Variants in ARHGAP17 observed in about 807,000 individuals in gnomAD.
The protein encoded by ARHGAP17 is rho GTPase-activating protein 17.
ARHGAP17 carries 57 observed loss-of-function variants against 99.5 expected under a neutral mutation model. The observed-to-expected ratio is 0.57, with a 90% CI of 0.46 to 0.71. The LOEUF is 0.71. Ranked by LOEUF, ARHGAP17 falls within the 30% of genes least tolerant of loss-of-function variation. ARHGAP17 has a pLI of 0.00. For missense variants in ARHGAP17, 1,000 were observed against 1,122.4 expected, an observed-to-expected ratio of 0.89 and a Z score of 1.56; for synonymous variants, 417 against 429.6, an observed-to-expected ratio of 0.97 and a Z score of 0.36.
At chr16:24,959,593 G>C in intron 9 of ARHGAP17, 78 bp downstream of exon 9, 1 of 1,381,294 alleles carries the variant, frequency 7.2e-7, no homozygotes, top group Non-Finnish European at 1.0e-6. Context: ...TGCATGCAGA[G>C]GAGTCAGGGT....
chr16:25,009,364 CAAA>C (rs113928999), intron 1 of ARHGAP17, among the ~76,000 whole-genome samples: 43 of 117,840 alleles, frequency 3.6e-4, no homozygotes, highest in African/African-American at 7.3e-4. Flanking sequence ...GAGACTCCGT[CAAA>C]AAAAAAAAAA....
chr16:24,925,247 C>T lies in ARHGAP17; in HGVS notation c.2516-4987G>A, dbSNP rs1487948386. 3.3e-5 allele frequency among the ~76,000 whole-genome samples: 5 copies of T among 152,104 alleles called. No individual in the cohort carries two copies. The East Asian group carries it at 9.7e-4, about 30-fold the overall frequency. On this transcript the variant is annotated intron_variant, in intron 19 of 19. Coordinates refer to ENST00000289968, the MANE Select transcript of ARHGAP17 (RefSeq NM_001006634.3). ...TACAAAAATCAGCCAGGTGTTGCCA[C>T]ACCTGCCTATAATCCCAGCTACTTG...
chr16:25,007,353 T>A (rs2053534219), intron 1 of ARHGAP17, among the ~76,000 whole-genome samples: 3 of 152,198 alleles, frequency 2.0e-5, no homozygotes, highest in South Asian at 4.1e-4. Context: ...AAGTAGTTCA[T>A]TACGAATGCC....
At chr16:24,990,285 G>C (rs2052999273) in intron 1 of ARHGAP17, among the ~76,000 whole-genome samples, 1 of 152,116 alleles carries the variant, frequency 6.6e-6, no homozygotes, top group Non-Finnish European at 1.5e-5. Flanking sequence ...AGGAGTTCAA[G>C]ACCAGCCTGG....
chr16:24,964,321 G>C lies in ARHGAP17; in HGVS notation c.462-13C>G. On this transcript the variant is annotated splice_polypyrimidine_tract_variant and intron_variant, in intron 6 of 19. Coordinates refer to ENST00000289968, the MANE Select transcript of ARHGAP17 (RefSeq NM_001006634.3). ...AGCTTGGTTCCACCTGCAAAACAAA[G>C]GGGTCACCAGCATCTGAGAACCAGC... 1 of 1,570,144 alleles carries C rather than the reference G, an allele frequency of 6.4e-7. No individual in the cohort carries two copies. Among genetic ancestry groups the C allele is most frequent in the African/African-American group, 1.4e-5 (1 of 73,928 alleles).
intron 1 of ARHGAP17, among the ~76,000 whole-genome samples, chr16:25,009,483 G>A (rs1002963200): frequency 1.3e-5 from 2 of 152,132 alleles, no homozygotes; most frequent in African/African-American, 4.8e-5. Context: ...GTAAGGATAA[G>A]GTTTGTGATC....
At chr16:24,943,103 C>A (rs888894966) in intron 15 of ARHGAP17, among the ~76,000 whole-genome samples, 1 of 152,204 alleles carries the variant, frequency 6.6e-6, no homozygotes, top group Non-Finnish European at 1.5e-5. Context: ...CCAACACTTG[C>A]CTGGCCAGCA....
At chr16:25,001,186 G>A (rs1028578047) in intron 1 of ARHGAP17, among the ~76,000 whole-genome samples, 7 of 151,968 alleles carry the variant, frequency 4.6e-5, no homozygotes, top group African/African-American at 1.7e-4. Flanking sequence ...GCACAACACT[G>A]ATAATATTAT....
chr16:25,001,733 T>G (rs940918078), intron 1 of ARHGAP17, among the ~76,000 whole-genome samples: 24 of 152,078 alleles, frequency 1.6e-4, no homozygotes, highest in African/African-American at 5.6e-4. Flanking sequence ...AAAGAGTATT[T>G]GTAAGAGACC....
chr16:24,935,767 C>T (rs1369313730), intron 17 of ARHGAP17, 128 bp from the exon 18 acceptor site: 1 of 994,034 alleles, frequency 1.0e-6, no homozygotes, highest in Middle Eastern at 2.0e-4. Context: ...ATCTGAAATT[C>T]TAACTAGCTC....
At chr16:25,012,009 T>G (rs1026080567) in intron 1 of ARHGAP17, among the ~76,000 whole-genome samples, 2 of 152,112 alleles carry the variant, frequency 1.3e-5, no homozygotes, top group Non-Finnish European at 2.9e-5. Context: ...TGTATATAAT[T>G]ATTTTTTGCC....
intron 1 of ARHGAP17, among the ~76,000 whole-genome samples, chr16:24,996,813 T>C (rs1351596126): frequency 6.6e-6 from 1 of 151,824 alleles, no homozygotes; most frequent in Non-Finnish European, 1.5e-5. Context: ...ATTCCTGGCA[T>C]GGTGGCTCAC....
intron 1 of ARHGAP17, among the ~76,000 whole-genome samples, chr16:24,979,952 C>A (rs2052625109): frequency 6.6e-6 from 1 of 152,218 alleles, no homozygotes; most frequent in Non-Finnish European, 1.5e-5. Flanking sequence ...CTCAAGTAAT[C>A]CGCCCACCTT....
At chr16:24,962,162 A>G (rs59926821) in intron 7 of ARHGAP17, among the ~76,000 whole-genome samples, 48,067 of 151,242 alleles carry the variant, frequency 0.32, 7,852 homozygotes, top group East Asian at 0.5. Context: ...CACACACACA[A>G]AGAGAGAAAG....
rs1422610180 is a variant in ARHGAP17 at position 24,954,536 on chromosome 16, G to A, written c.852+67C>T. 13 of 1,548,540 alleles carry A rather than the reference G, an allele frequency of 8.4e-6. No homozygotes were observed. The East Asian group carries it at 1.8e-4, about 22-fold the overall frequency. On this transcript the variant is annotated intron_variant, in intron 10 of 19. Transcript: ENST00000289968. ...GGGGTGGACAGGGGGCTGGCGGGGA[G>A]CATGGTGCTCTGGGTACAACAAGGG... is the stretch of plus-strand genomic sequence containing the variant.
intron 1 of ARHGAP17, among the ~76,000 whole-genome samples, chr16:25,002,166 CAAAG>C (rs535939135): frequency 9.2e-5 from 14 of 151,788 alleles, no homozygotes; most frequent in Non-Finnish European, 2.1e-4. Flanking sequence ...AATAAAAGGT[CAAAG>C]AAAATATCAC....
chr16:24,970,107 C>T (rs2052315870), intron 4 of ARHGAP17, among the ~76,000 whole-genome samples: 1 of 150,894 alleles, frequency 6.6e-6, no homozygotes, highest in Admixed American at 6.6e-5. Context: ...TTTTAGATAA[C>T]TACCATGGAC....
chr16:24,935,501 A>G lies in ARHGAP17; in HGVS notation c.1863T>C (p.Ala621=), dbSNP rs1329615760. 11 of 1,611,074 alleles carry G rather than the reference A, an allele frequency of 6.8e-6. No homozygotes were observed. Among genetic ancestry groups the G allele is most frequent in the Non-Finnish European group, 8.5e-6 (10 of 1,178,782 alleles). The change falls in exon 18 of 20, where the codon GCT becomes GCC. Residue 621 remains alanine (A), a synonymous_variant. Transcript: ENST00000289968. ...GCAGTGTATGCGGGCTGGGCCCTGC[A>G]GCATTGTGAGGTTGGCCCATGGAGA... The part of the protein sequence containing the change: ...HQLSMGQPHN[A]AGPSPHTLRR...
At chr16:25,010,756 T>G (rs968967247) in intron 1 of ARHGAP17, among the ~76,000 whole-genome samples, 3 of 152,264 alleles carry the variant, frequency 2.0e-5, no homozygotes, top group Admixed American at 2.0e-4. Flanking sequence ...TGGTCCACAC[T>G]GGGCCTACAT....
Sources: gnomAD v4.1 joint callset for allele counts (sites outside exome capture counted in the v4.1 genomes callset) on GRCh38, gnomAD v4.1.1 for gene constraint, MANE v1.5 for transcripts, NCBI Gene and HGNC (gene_info 2026-07-23, HGNC 2026-07-21) for gene names.